The following CYFIP1 variants were observed in gnomAD, a reference collection of about 807,000 sequenced individuals.
The protein encoded by CYFIP1 is cytoplasmic FMR1-interacting protein 1.
In CYFIP1, 58 loss-of-function variants were observed where a neutral mutation model predicts 163.5. The ratio of observed to expected loss-of-function variants is 0.35; its 90% confidence interval spans 0.29 to 0.44. The LOEUF (loss-of-function observed/expected upper bound fraction) is 0.44. Among genes scored for constraint, CYFIP1 ranks in the 20% least tolerant of loss-of-function variants. The probability of loss-of-function intolerance (pLI) is 1.00; values close to 1 mark genes in which losing one functional copy is unlikely to be tolerated. For missense variants in CYFIP1, 1,338 were observed against 1,653.8 expected, an observed-to-expected ratio of 0.81 and a Z score of 3.31; for synonymous variants, 663 against 660.7, an observed-to-expected ratio of 1.00 and a Z score of -0.05.
In CYFIP1 at chr15:22,890,184, C is replaced by T. The variant is rs930303313; in HGVS notation, c.2676+2706G>A. 9.3e-5 allele frequency among the ~76,000 whole-genome samples: 14 copies of T among 150,950 alleles called. No individual in the cohort carries two copies. In the East Asian group the frequency reaches 2.1e-3, roughly 23 times the overall value. On this transcript the variant is annotated intron_variant, in intron 23 of 30. Coordinates refer to ENST00000617928, the MANE Select transcript of CYFIP1 (RefSeq NM_014608.6). The stretch of plus-strand genomic sequence containing the variant: ...AAAATTGTCCGGGCATGGTGGCAGG[C>T]GCCTTTAATCCCAGCTATTTGGGAG...
At chr15:22,907,995 T>TTCTTATGC (rs1364209541) in intron 21 of CYFIP1, among the ~76,000 whole-genome samples, 5 of 152,240 alleles carry the variant, frequency 3.3e-5, no homozygotes, top group African/African-American at 1.2e-4. Flanking sequence ...TTTTCTACAT[T>TTCTTATGC]TCTTATGCTC....
rs1394056240 is a variant in CYFIP1, at chr15:22,882,912, T to C, written c.2776A>G (p.Ile926Val). 4 of 1,613,880 alleles carry C rather than the reference T, an allele frequency of 2.5e-6. No individual in the cohort carries two copies. The African/African-American group carries it at 4.0e-5, about 16-fold the overall frequency. ...VICRLLGYQGIAVVMEELLKV... is the reference protein window; with the variant it reads ...VICRLLGYQGVAVVMEELLKV... ...AGCAGCTCCTCCATGACCACGGCGA[T>C]ACCCTGGTAGCCGAGAAGCCGGCAG... The change falls in exon 24 of 31, where the codon ATC (isoleucine) becomes GTC (valine). Residue 926 changes from isoleucine to valine, a missense_variant. Physicochemically the swap from Ile to Val is conservative, Grantham distance 29. Transcript: ENST00000617928.
chr15:22,967,891 TCTGGGAGG>T (rs749040683), intron 1 of CYFIP1, among the ~76,000 whole-genome samples: 1 of 151,978 alleles, frequency 6.6e-6, no homozygotes, highest in Non-Finnish European at 1.5e-5. Context: ...AAGTCAGCAC[TCTGGGAGG>T]CTGACACAGG....
chr15:22,950,364 C>A (rs1254742301), intron 1 of CYFIP1, among the ~76,000 whole-genome samples: 2 of 152,128 alleles, frequency 1.3e-5, no homozygotes, highest in East Asian at 3.9e-4. Flanking sequence ...CAGCACCAGA[C>A]CCAGCCAGCC....
At position 22,937,616 on chromosome 15, in the gene CYFIP1, T is replaced by G. The variant is rs1346873947; in HGVS notation, c.796-408A>C. 5.3e-5 allele frequency among the ~76,000 whole-genome samples: 8 copies of G among 151,448 alleles called. No individual in the cohort carries two copies. In the East Asian group the frequency reaches 1.6e-3, roughly 29 times the overall value. The stretch of plus-strand genomic sequence containing the variant: ...AAATTCTTTTTTTGTTTTTTTTTTT[T>G]GAGATGGAGTCTGGCTCTGTCACCC... On this transcript the variant is annotated intron_variant, in intron 8 of 30. Transcript: ENST00000617928.
At position 22,868,418 on chromosome 15, in the gene CYFIP1, G is replaced by GTATT. The variant is rs569544140; in HGVS notation, c.*1606_*1609dup. 135 of 152,218 alleles carry GTATT rather than the reference G, an allele frequency of 8.9e-4. No individual in the cohort carries two copies. Among genetic ancestry groups the GTATT allele is most frequent in the Admixed American group, 2.4e-3 (37 of 15,286 alleles). The allele number at this position is 152,218 out of a possible 1,614,324, so 9.4% of individuals were successfully genotyped here. A position where few individuals can be genotyped will look rare whatever the true frequency, so the allele number is the denominator to read the frequency against. ...CACTTGAGATTGTCTTATACCTAAG[G>GTATT]TATTACATATTTGGTATATAATTAA... is the stretch of plus-strand genomic sequence containing the variant. On this transcript the variant is annotated 3_prime_UTR_variant, in exon 31 of 31. Coordinates refer to ENST00000617928, the MANE Select transcript of CYFIP1 (RefSeq NM_014608.6).
At position 22,912,137 on chromosome 15, in the gene CYFIP1, A is replaced by C. The variant is rs748128923; in HGVS notation, c.2082+42T>G. 6.0e-6 allele frequency: 9 copies of C among 1,502,312 alleles called. No homozygotes were observed. The Admixed American group carries it at 1.7e-4, about 28-fold the overall frequency. 93.1% of individuals were successfully genotyped at this position (1,502,312 alleles called of 1,614,324 possible). ...GAAAACAAAAAGAGAAAGGAGATTT[A>C]ATTGAAGGAAATGAACAGAAATGGA... On this transcript the variant is annotated intron_variant, in intron 18 of 30. Coordinates refer to ENST00000617928, the MANE Select transcript of CYFIP1 (RefSeq NM_014608.6).
rs961073947 is a variant in CYFIP1 at position 22,978,285 on chromosome 15, T to A, written c.-7+2002A>T. Among the ~76,000 whole-genome samples, 4 of 131,998 alleles carry A rather than the reference T, an allele frequency of 3.0e-5. No homozygotes were observed. In the Admixed American group the frequency reaches 3.8e-4, roughly 13 times the overall value. The allele number at this position is 131,998 out of a possible 152,430, so 86.6% of individuals were successfully genotyped here. A position where few individuals can be genotyped will look rare whatever the true frequency, so the allele number is the denominator to read the frequency against. ...GAGAACCACCTGAACCCAGGAGGCA[T>A]AGGTTGTGGCGAGCCGAGTTTGCGT... On this transcript the variant is annotated intron_variant, in intron 1 of 30. Coordinates refer to ENST00000617928, the MANE Select transcript of CYFIP1 (RefSeq NM_014608.6).
At chr15:22,902,915 C>T (rs2060444211) in intron 22 of CYFIP1, among the ~76,000 whole-genome samples, 1 of 152,240 alleles carries the variant, frequency 6.6e-6, no homozygotes, top group Admixed American at 6.5e-5. Context: ...CAGAGCTCGG[C>T]ATCCTGTCTC....
At chr15:22,967,141 G>A (rs1306590248) in intron 1 of CYFIP1, among the ~76,000 whole-genome samples, 4 of 152,150 alleles carry the variant, frequency 2.6e-5, no homozygotes, top group African/African-American at 9.7e-5. Flanking sequence ...CTCTAGCATC[G>A]GTTGGGACAC....
At position 22,903,692 on chromosome 15, in the gene CYFIP1, G is replaced by A. The variant is rs1566948064; in HGVS notation, c.2588+14C>T. On this transcript the variant is annotated intron_variant, in intron 22 of 30. Coordinates refer to ENST00000617928, the MANE Select transcript of CYFIP1 (RefSeq NM_014608.6). ...CGCCTCGCCTGTGGGCGCCTGTGTG[G>A]CGGGCACGCTCACCGGTTGGTAGAG... 3 of 1,612,988 alleles carry A rather than the reference G, an allele frequency of 1.9e-6. No individual in the cohort carries two copies. Among genetic ancestry groups the A allele is most frequent in the South Asian group, 1.1e-5 (1 of 91,082 alleles).
At chr15:22,896,762 ATC>A (rs2060249229) in intron 22 of CYFIP1, among the ~76,000 whole-genome samples, 2 of 150,744 alleles carry the variant, frequency 1.3e-5, no homozygotes, top group South Asian at 4.2e-4. Flanking sequence ...GAATTCCATC[ATC>A]TCTGTCATTT....
intron 11 of CYFIP1, among the ~76,000 whole-genome samples, chr15:22,931,686 G>GAAAAAAAAAAAAA (rs766177290): frequency 0.026 from 1,033 of 39,672 alleles, 146 homozygotes; most frequent in East Asian, 0.052. Flanking sequence ...ATGTTTTTCT[G>GAAAAAAAAAAAAA]AAAAAAAAAA....
intron 1 of CYFIP1, among the ~76,000 whole-genome samples, chr15:22,957,737 A>C (rs2062528057): frequency 6.6e-6 from 1 of 152,220 alleles, no homozygotes; most frequent in Non-Finnish European, 1.5e-5. Context: ...AACGTGCACA[A>C]GGCATGAGCT....
intron 1 of CYFIP1, among the ~76,000 whole-genome samples, chr15:22,971,293 C>G (rs1045165234): frequency 1.3e-5 from 2 of 152,142 alleles, no homozygotes; most frequent in African/African-American, 4.8e-5. Flanking sequence ...AATCCCAACA[C>G]TTTGTGAGGA....
Position 22,938,923 on chromosome 15 carries a change from T to TAA in CYFIP1, c.795+267_795+268dup, listed in dbSNP as rs56169420. Among the ~76,000 whole-genome samples the TAA allele has an allele frequency of 2.7e-4, 20 of 74,382 alleles. No individual in the cohort carries two copies. In the East Asian group the frequency reaches 7.8e-3, roughly 29 times the overall value. The allele number at this position is 74,382 out of a possible 152,430, so 48.8% of individuals were successfully genotyped here. A position where few individuals can be genotyped will look rare whatever the true frequency, so the allele number is the denominator to read the frequency against. On this transcript the variant is annotated intron_variant, in intron 8 of 30. Transcript: ENST00000617928. Reference sequence around the variant, plus strand: ...CTTGAGAATAAAACGAAAAGCAGCTTAAAAAAAAAAAAAAAAAAAAAAAAA... The same window carrying TAA: ...CTTGAGAATAAAACGAAAAGCAGCTTAAAAAAAAAAAAAAAAAAAAAAAAAAA...
intron 11 of CYFIP1, among the ~76,000 whole-genome samples, chr15:22,928,687 G>C (rs532141384): frequency 9.2e-5 from 14 of 152,334 alleles, no homozygotes; most frequent in African/African-American, 3.1e-4. Flanking sequence ...TGTGACCTAT[G>C]GGGAGGAAGG....
At chr15:22,929,060 A>G (rs146229868) in intron 11 of CYFIP1, among the ~76,000 whole-genome samples, 235 of 152,076 alleles carry the variant, frequency 1.5e-3, no homozygotes, top group African/African-American at 5.4e-3. Context: ...CTCTACCAAA[A>G]ATATAAAAAA....
chr15:22,894,112 C>T lies in CYFIP1; in HGVS notation c.2589-1135G>A, dbSNP rs112251142. On this transcript the variant is annotated intron_variant, in intron 22 of 30. Coordinates refer to ENST00000617928, the MANE Select transcript of CYFIP1 (RefSeq NM_014608.6). ...ACACTCATCAACCTCTGTCCACCTC[C>T]GATGGTGACACACCTGCAAAGCTAC... Among the ~76,000 whole-genome samples the T allele has an allele frequency of 4.0e-3, 611 of 152,088 alleles. 4 individuals are homozygous for T. The highest frequency in any genetic ancestry group is 0.013 in the African/African-American group (533 of 41,460).
Sources: allele counts gnomAD v4.1 joint callset (sites outside exome capture counted in the v4.1 genomes callset), GRCh38; gene constraint gnomAD v4.1.1; transcripts MANE v1.5; gene names NCBI Gene and HGNC (gene_info 2026-07-23, HGNC 2026-07-21).